OR7C1: variants seen among roughly 807,000 people sequenced by gnomAD.
OR7C1 encodes the protein olfactory receptor family 7 subfamily C member 1.
For synonymous variants in OR7C1, 152 were observed against 160.7 expected, an observed-to-expected ratio of 0.95 and a Z score of 0.41; for missense variants, 324 against 383.3, an observed-to-expected ratio of 0.85 and a Z score of 1.29.
intron 1 of OR7C1, among the ~76,000 whole-genome samples, chr19:14,822,494 C>T (rs764261387): frequency 7.4e-5 from 11 of 148,492 alleles, no homozygotes; most frequent in Non-Finnish European, 1.5e-4. Context: ...AAGCAATTCT[C>T]CTGCCTCAGC....
At chr19:14,828,167 G>C (rs1288285283) in intron 1 of OR7C1, 1 of 1,614,086 alleles carries the variant, frequency 6.2e-7, no homozygotes, top group Admixed American at 1.7e-5. Context: ...CAAAGAGGAA[G>C]GGTTGCAGTC....
At chr19:14,803,710 TAA>T in intron 2 of OR7C1, among the ~76,000 whole-genome samples, 1 of 150,808 alleles carries the variant, frequency 6.6e-6, no homozygotes, top group Non-Finnish European at 1.5e-5. Flanking sequence ...ATAATAATAA[TAA>T]TAATTTTTTT....
At chr19:14,827,599 G>A in intron 1 of OR7C1, 1 of 1,614,156 alleles carries the variant, frequency 6.2e-7, no homozygotes. Flanking sequence ...TAAGAGTAAA[G>A]GATCCCAGTC....
intron 1 of OR7C1, among the ~76,000 whole-genome samples, chr19:14,821,054 A>G (rs1275251523): frequency 1.3e-5 from 2 of 152,134 alleles, no homozygotes; most frequent in South Asian, 2.1e-4. Flanking sequence ...CCTGGCCAAC[A>G]TGGTGAAACC....
intron 1 of OR7C1, among the ~76,000 whole-genome samples, chr19:14,814,856 G>A: frequency 6.6e-6 from 1 of 152,236 alleles, no homozygotes; most frequent in South Asian, 2.1e-4. Flanking sequence ...CCTTTTCATG[G>A]TTCACTACAC....
At chr19:14,831,848 C>A (rs992642462) in intron 1 of OR7C1, among the ~76,000 whole-genome samples, 5 of 152,096 alleles carry the variant, frequency 3.3e-5, no homozygotes, top group African/African-American at 1.2e-4. Flanking sequence ...AATGCCTGCC[C>A]AGACCATATT....
chr19:14,798,898 A>T, exon 5 of OR7C1: 2 of 288,740 alleles, frequency 6.9e-6, no homozygotes, highest in African/African-American at 2.2e-5. Context: ...GCATTCACTC[A>T]TGCAAGCTTC....
chr19:14,820,665 C>A (rs2044736812), intron 1 of OR7C1, among the ~76,000 whole-genome samples: 1 of 152,106 alleles, frequency 6.6e-6, no homozygotes, highest in African/African-American at 2.4e-5. Flanking sequence ...TAATTTAGAT[C>A]TTACCTTGTA....
At chr19:14,799,022 GCCCT>G in exon 5 of OR7C1, 1 of 902,716 alleles carries the variant, frequency 1.1e-6, no homozygotes, top group Non-Finnish European at 1.5e-6. Flanking sequence ...GGACTCTGTG[GCCCT>G]CCCTATCTAC....
At chr19:14,832,047 G>A (rs977324231) in intron 1 of OR7C1, among the ~76,000 whole-genome samples, 8 of 152,034 alleles carry the variant, frequency 5.3e-5, no homozygotes, top group Non-Finnish European at 8.8e-5. Flanking sequence ...TGACTGGGAC[G>A]AAAGGCATGT....
At chr19:14,799,251 C>G (rs1353006365) in exon 5 of OR7C1, 1 of 1,614,022 alleles carries the variant, frequency 6.2e-7, no homozygotes, top group Non-Finnish European at 8.5e-7. Context: ...CTCTTCATGT[C>G]CGTGTTCCTC....
chr19:14,828,239 C>T (rs2145078688), intron 1 of OR7C1: 2 of 1,608,038 alleles, frequency 1.2e-6, no homozygotes, highest in Non-Finnish European at 1.7e-6. Context: ...TTCCTGGTTC[C>T]ATTTGATTGA....
intron 1 of OR7C1, among the ~76,000 whole-genome samples, chr19:14,823,447 G>A (rs944662206): frequency 2.6e-5 from 4 of 152,070 alleles, no homozygotes; most frequent in Admixed American, 6.6e-5. Context: ...GCAAGACTCC[G>A]TCTAAAAAAA....
chr19:14,817,233 C>T (rs1289523797), intron 1 of OR7C1, among the ~76,000 whole-genome samples: 1 of 152,134 alleles, frequency 6.6e-6, no homozygotes, highest in Non-Finnish European at 1.5e-5. Flanking sequence ...ATTGTTAAGA[C>T]TCTGCACAGG....
intron 2 of OR7C1, among the ~76,000 whole-genome samples, chr19:14,806,893 T>C (rs1409819511): frequency 6.6e-6 from 1 of 152,040 alleles, no homozygotes; most frequent in Non-Finnish European, 1.5e-5. Flanking sequence ...CCTTTAGGTA[T>C]ATACCCAGTA....
intron 1 of OR7C1, chr19:14,826,302 A>G (rs1236312595): frequency 1.3e-5 from 2 of 152,216 alleles, no homozygotes; most frequent in Non-Finnish European, 2.9e-5. Flanking sequence ...AAAAGAGATG[A>G]ATAAATTGAT....
intron 2 of OR7C1, among the ~76,000 whole-genome samples, chr19:14,805,253 C>A (rs2044660741): frequency 6.6e-6 from 1 of 151,650 alleles, no homozygotes; most frequent in African/African-American, 2.4e-5. Flanking sequence ...GTTCTTGGGG[C>A]TAGAGCTTCC....
At chr19:14,818,095 T>TAAA (rs2044724586) in intron 1 of OR7C1, among the ~76,000 whole-genome samples, 1 of 150,846 alleles carries the variant, frequency 6.6e-6, no homozygotes, top group Admixed American at 6.6e-5. Context: ...TATTTATTTA[T>TAAA]TTATTTATTT....
At chr19:14,820,484 G>T (rs1176448291) in intron 1 of OR7C1, among the ~76,000 whole-genome samples, 1 of 151,912 alleles carries the variant, frequency 6.6e-6, no homozygotes, top group African/African-American at 2.4e-5. Flanking sequence ...GTTGACAGGT[G>T]CAGCAAACCA....
Sources: gnomAD v4.1 joint callset for allele counts (sites outside exome capture counted in the v4.1 genomes callset) on GRCh38, gnomAD v4.1.1 for gene constraint, MANE v1.5 for transcripts, NCBI Gene and HGNC (gene_info 2026-07-23, HGNC 2026-07-21) for gene names.